Variants in ADAMTS18 observed in about 807,000 individuals in gnomAD.
ADAMTS18 encodes the protein A disintegrin and metalloproteinase with thrombospondin motifs 18.
ADAMTS18 carries 157 observed loss-of-function variants against 165.9 expected under a neutral mutation model. The observed-to-expected ratio is 0.95, with a 90% CI of 0.83 to 1.08. The LOEUF is 1.08. Ranked by LOEUF, ADAMTS18 falls within the 50% of genes least tolerant of loss-of-function variation. ADAMTS18 has a pLI of 0.00. For synonymous variants in ADAMTS18, 782 were observed against 578.2 expected (o/e 1.35, Z -5.06); for missense variants, 2,040 against 1,534.0 (o/e 1.33, Z -5.51).
At chr16:77,395,530 G>A (rs2057245512) in intron 3 of ADAMTS18, among the ~76,000 whole-genome samples, 1 of 152,092 alleles carries the variant, frequency 6.6e-6, no homozygotes, top group Non-Finnish European at 1.5e-5. Context: ...TTTTCCCTCA[G>A]GGCTGCGTTC....
At chr16:77,289,052 GA>G (rs1391595297) in intron 22 of ADAMTS18, among the ~76,000 whole-genome samples, 3 of 152,286 alleles carry the variant, frequency 2.0e-5, no homozygotes, top group African/African-American at 7.2e-5. Flanking sequence ...CCACCTGCAT[GA>G]CAGACTGAGA....
chr16:77,345,815 T>A (rs2056467106), intron 10 of ADAMTS18, among the ~76,000 whole-genome samples: 1 of 152,144 alleles, frequency 6.6e-6, no homozygotes, highest in African/African-American at 2.4e-5. Flanking sequence ...GGGAGAGCCT[T>A]CCAAATCAAC....
chr16:77,326,188 A>G, intron 12 of ADAMTS18, 150 bp from the exon 13 acceptor site: 2 of 773,728 alleles, frequency 2.6e-6, no homozygotes, highest in South Asian at 1.6e-5. Flanking sequence ...AGTACATAGC[A>G]TACAACTTAA....
intron 13 of ADAMTS18, among the ~76,000 whole-genome samples, chr16:77,323,347 T>G (rs2144645138): frequency 6.6e-6 from 1 of 152,212 alleles, no homozygotes; most frequent in East Asian, 1.9e-4. Flanking sequence ...AAAGACAAAC[T>G]AAAAACTCAA....
At chr16:77,419,876 G>A (rs930759760) in intron 3 of ADAMTS18, among the ~76,000 whole-genome samples, 2 of 151,844 alleles carry the variant, frequency 1.3e-5, no homozygotes, top group African/African-American at 4.8e-5. Flanking sequence ...AGTGGCGCCT[G>A]TAATCCCAGC....
At chr16:77,403,505 G>C (rs2057356631) in intron 3 of ADAMTS18, among the ~76,000 whole-genome samples, 1 of 152,184 alleles carries the variant, frequency 6.6e-6, no homozygotes, top group Admixed American at 6.5e-5. Context: ...GAAAATCAGA[G>C]AATGGGAGGA....
chr16:77,424,417 A>G (rs12933071), intron 3 of ADAMTS18, among the ~76,000 whole-genome samples: 45,753 of 151,600 alleles, frequency 0.3, 7,613 homozygotes, highest in Non-Finnish European at 0.39. Flanking sequence ...GCAGTGAGCC[A>G]AGATCATGCC....
At chr16:77,392,136 G>T (rs114005704) in intron 3 of ADAMTS18, among the ~76,000 whole-genome samples, 4 of 152,116 alleles carry the variant, frequency 2.6e-5, no homozygotes, top group Admixed American at 2.6e-4. Context: ...AATGCTCTGG[G>T]ACAGAAGACA....
chr16:77,291,397 A>C lies in ADAMTS18; in HGVS notation c.3271T>G (p.Phe1091Val). The change falls in exon 21 of 23, where the codon TTC becomes GTC. Residue 1091 changes from phenylalanine (F) to valine (V), a missense_variant. Transcript: ENST00000282849. ...EKGFQGKLIT[F>V]PERRCRNIKK... ...ATATTACGGCATCTTCGCTCTGGGA[A>C]AGTTATCAGCTTTCCCTGGAAGCCC... 8 of 1,614,142 alleles carry C rather than the reference A, an allele frequency of 5.0e-6. No individual in the cohort carries two copies. Among genetic ancestry groups the C allele is most frequent in the Non-Finnish European group, 6.8e-6 (8 of 1,180,006 alleles).
At chr16:77,421,585 C>A (rs550812115) in intron 3 of ADAMTS18, among the ~76,000 whole-genome samples, 2 of 152,204 alleles carry the variant, frequency 1.3e-5, no homozygotes, top group Non-Finnish European at 2.9e-5. Context: ...CTGCCCTAGG[C>A]TCATGGAAAA....
At chr16:77,348,706 G>C (rs574765206) in intron 10 of ADAMTS18, among the ~76,000 whole-genome samples, 17 of 152,294 alleles carry the variant, frequency 1.1e-4, no homozygotes, top group African/African-American at 4.1e-4. Flanking sequence ...CACATGCTAG[G>C]CATGGCAGAT....
chr16:77,402,498 G>C (rs1305759981), intron 3 of ADAMTS18, among the ~76,000 whole-genome samples: 1 of 152,168 alleles, frequency 6.6e-6, no homozygotes, highest in Non-Finnish European at 1.5e-5. Flanking sequence ...TTGAGGTTGA[G>C]AAGGAAAAAA....
At chr16:77,373,643 A>C (rs1257482511) in intron 3 of ADAMTS18, among the ~76,000 whole-genome samples, 1 of 152,090 alleles carries the variant, frequency 6.6e-6, no homozygotes, top group African/African-American at 2.4e-5. Flanking sequence ...GGGTGCACCA[A>C]AATCTCACAA....
intron 16 of ADAMTS18, among the ~76,000 whole-genome samples, chr16:77,310,680 T>C (rs1161544221): frequency 6.6e-6 from 1 of 151,814 alleles, no homozygotes; most frequent in African/African-American, 2.4e-5. Flanking sequence ...CAGGCTGGAG[T>C]ACAGTGGCAC....
At chr16:77,366,107 A>G (rs2056789243) in intron 4 of ADAMTS18, among the ~76,000 whole-genome samples, 1 of 152,028 alleles carries the variant, frequency 6.6e-6, no homozygotes, top group East Asian at 1.9e-4. Flanking sequence ...CTCTTTCATT[A>G]TTCCTCCTGA....
chr16:77,340,815 T>C (rs1357134525), intron 11 of ADAMTS18, among the ~76,000 whole-genome samples: 2 of 151,936 alleles, frequency 1.3e-5, no homozygotes, highest in African/African-American at 4.8e-5. Context: ...CAATCCTCCC[T>C]GCTCAGCCTC....
At chr16:77,393,181 T>C (rs1160850294) in intron 3 of ADAMTS18, among the ~76,000 whole-genome samples, 3 of 152,154 alleles carry the variant, frequency 2.0e-5, no homozygotes, top group East Asian at 1.9e-4. Flanking sequence ...ACATGACTTG[T>C]TCAATGTCAT....
chr16:77,420,383 T>G (rs2057586487), intron 3 of ADAMTS18, among the ~76,000 whole-genome samples: 1 of 152,136 alleles, frequency 6.6e-6, no homozygotes, highest in African/African-American at 2.4e-5. Flanking sequence ...AACTGTGCAT[T>G]AGGACTACCC....
intron 12 of ADAMTS18, 44 bp downstream of exon 12, chr16:77,335,712 A>C (rs1218634088): frequency 6.2e-7 from 1 of 1,613,158 alleles, no homozygotes; most frequent in East Asian, 2.2e-5. Context: ...TTACAGGCTG[A>C]AGGTTAAGGC....
Sources: allele counts gnomAD v4.1 joint callset (sites outside exome capture counted in the v4.1 genomes callset), GRCh38; gene constraint gnomAD v4.1.1; transcripts MANE v1.5; gene names NCBI Gene and HGNC (gene_info 2026-07-23, HGNC 2026-07-21).